Variants in DMD observed in about 807,000 individuals in gnomAD.
DMD encodes dystrophin.
Under a neutral mutation model 330.1 loss-of-function variants are expected in DMD, and 63 were observed. The observed-to-expected ratio is 0.19, with a 90% CI of 0.16 to 0.24. The LOEUF (loss-of-function observed/expected upper bound fraction) is 0.24, where lower values mean the gene tolerates loss of function less well. Among genes scored for constraint, DMD ranks in the 10% least tolerant of loss-of-function variants. The probability of loss-of-function intolerance (pLI) is 1.00; values close to 1 mark genes in which losing one functional copy is unlikely to be tolerated. For synonymous variants in DMD, 1,223 were observed against 959.8 expected (o/e 1.27, Z -5.07); for missense variants, 3,344 against 2,684.1 (o/e 1.25, Z -5.43).
At chrX:32,521,061 C>T (rs1217257601) in intron 17 of DMD, among the ~76,000 whole-genome samples, 1 of 111,767 alleles carries the variant, frequency 8.9e-6, no homozygotes, top group Non-Finnish European at 1.9e-5. Flanking sequence ...CGTTCTCATT[C>T]CCTTCTTTTA....
chrX:32,924,752 AC>A (rs772934263), intron 2 of DMD, among the ~76,000 whole-genome samples: 6 of 111,384 alleles, frequency 5.4e-5, no homozygotes, highest in Non-Finnish European at 1.1e-4. Flanking sequence ...GGATATGAAT[AC>A]TTTGCCAATG....
intron 2 of DMD, among the ~76,000 whole-genome samples, chrX:32,935,208 G>C (rs763356102): frequency 1.0e-3 from 118 of 112,788 alleles, no homozygotes; most frequent in African/African-American, 2.9e-3. Context: ...TCGATCTGCT[G>C]ACCTCATGAT....
At chrX:32,114,067 A>T (rs2096600073) in intron 44 of DMD, among the ~76,000 whole-genome samples, 2 of 112,114 alleles carry the variant, frequency 1.8e-5, no homozygotes, top group Non-Finnish European at 3.8e-5. Flanking sequence ...ATCACACAAT[A>T]TTTTTCTTTA....
chrX:32,140,121 A>G (rs1371963676), intron 44 of DMD, among the ~76,000 whole-genome samples: 1 of 112,015 alleles, frequency 8.9e-6, no homozygotes, highest in Non-Finnish European at 1.9e-5. Context: ...ACTAATCTTA[A>G]GCTATGACAG....
At chrX:32,317,074 T>C (rs920793165) in intron 41 of DMD, among the ~76,000 whole-genome samples, 18 of 111,348 alleles carry the variant, frequency 1.6e-4, no homozygotes, top group African/African-American at 5.9e-4. Context: ...TGTGTACAAA[T>C]CCCGTCTAAC....
intron 60 of DMD, among the ~76,000 whole-genome samples, chrX:31,356,324 C>T (rs2148547096): frequency 9.0e-6 from 1 of 111,112 alleles, no homozygotes; most frequent in South Asian, 3.9e-4. Context: ...TCTGTGCTGA[C>T]TTCTTTCTTA....
intron 62 of DMD, among the ~76,000 whole-genome samples, 162 bp downstream of exon 62, chrX:31,323,436 T>C (rs1366004049): frequency 1.2e-4 from 13 of 112,010 alleles, no homozygotes; most frequent in African/African-American, 4.2e-4. Context: ...AAATTTACAA[T>C]GGTAATTTTA....
intron 2 of DMD, among the ~76,000 whole-genome samples, chrX:32,958,103 T>C (rs1011596959): frequency 4.5e-5 from 5 of 111,754 alleles, no homozygotes; most frequent in African/African-American, 1.6e-4. Flanking sequence ...ATTAGAAACA[T>C]AGATTTTCAG....
intron 1 of DMD, among the ~76,000 whole-genome samples, chrX:33,060,116 C>T (rs935196835): frequency 1.3e-4 from 14 of 111,166 alleles, no homozygotes; most frequent in East Asian, 2.8e-4. Flanking sequence ...GTATAGGGAC[C>T]GTGAAAATAG....
intron 13 of DMD, among the ~76,000 whole-genome samples, chrX:32,590,410 A>G (rs809469): frequency 0.55 from 60,297 of 109,878 alleles, 13,830 homozygotes; most frequent in African/African-American, 0.89. Flanking sequence ...TGCCTAGATC[A>G]CTGATGAAGT....
At chrX:32,750,427 G>C (rs1356111097) in intron 7 of DMD, among the ~76,000 whole-genome samples, 1 of 111,779 alleles carries the variant, frequency 8.9e-6, no homozygotes, top group Non-Finnish European at 1.9e-5. Context: ...CAAGAAATGT[G>C]CAAAATATCT....
chrX:32,870,304 G>T (rs369722405), intron 2 of DMD, among the ~76,000 whole-genome samples: 3 of 111,789 alleles, frequency 2.7e-5, no homozygotes. Flanking sequence ...ACAAATGGAA[G>T]AACATTCCAT....
intron 2 of DMD, among the ~76,000 whole-genome samples, chrX:33,013,813 A>ATATGTATGTGTGTGTGTG (rs2093746641): frequency 1.2e-5 from 1 of 85,969 alleles, no homozygotes; most frequent in Non-Finnish European, 2.5e-5. Flanking sequence ...GGGTGTGTGT[A>ATATGTATGTGTGTGTGTG]TATGTATGTG....
chrX:31,617,310 G>A (rs1430683556), intron 55 of DMD, among the ~76,000 whole-genome samples: 2 of 110,960 alleles, frequency 1.8e-5, no homozygotes, highest in East Asian at 2.8e-4. Flanking sequence ...CGGGGCGGGC[G>A]CATCACCTGA....
intron 2 of DMD, among the ~76,000 whole-genome samples, chrX:32,936,858 G>C (rs927173860): frequency 8.9e-6 from 1 of 111,936 alleles, no homozygotes; most frequent in Admixed American, 9.5e-5. Context: ...TTGCGTCTGA[G>C]ACACTTCTGG....
intron 55 of DMD, among the ~76,000 whole-genome samples, chrX:31,568,675 C>T (rs906943838): frequency 4.5e-5 from 5 of 111,354 alleles, no homozygotes; most frequent in African/African-American, 9.7e-5. Context: ...TTCTTTTAGA[C>T]GGCATATTGT....
intron 1 of DMD, among the ~76,000 whole-genome samples, chrX:33,067,671 T>C: frequency 1.8e-5 from 2 of 110,316 alleles, no homozygotes; most frequent in Middle Eastern, 9.2e-3. Flanking sequence ...TGAAATCCCA[T>C]CTCTACTAAA....
chrX:32,558,427 A>AT (rs1407135691), intron 16 of DMD, among the ~76,000 whole-genome samples: 2 of 111,794 alleles, frequency 1.8e-5, no homozygotes, highest in Non-Finnish European at 3.8e-5. Context: ...GTGTTATTTC[A>AT]TTTTTTTGTC....
chrX:31,978,402 C>T (rs746905618), intron 44 of DMD, among the ~76,000 whole-genome samples: 64 of 110,868 alleles, frequency 5.8e-4, no homozygotes, highest in Non-Finnish European at 1.1e-3. Flanking sequence ...TTATTCATTA[C>T]ACTTCACCTA....
Sources: gnomAD v4.1 joint callset for allele counts (sites outside exome capture counted in the v4.1 genomes callset) on GRCh38, gnomAD v4.1.1 for gene constraint, MANE v1.5 for transcripts, NCBI Gene and HGNC (gene_info 2026-07-23, HGNC 2026-07-21) for gene names.